The following MRPL47 variants were observed in gnomAD, a reference collection of about 807,000 sequenced individuals.
MRPL47 encodes the protein large ribosomal subunit protein uL29m.
A neutral mutation model predicts 34.0 loss-of-function variants in MRPL47; 31 were observed. The observed-to-expected ratio is 0.91, with a 90% CI of 0.68 to 1.23. The LOEUF is 1.23. Ranked by LOEUF, MRPL47 falls within the 50% of genes most tolerant of loss-of-function variation. MRPL47 has a pLI of 0.00. For missense variants in MRPL47, 328 were observed against 285.8 expected, an observed-to-expected ratio of 1.15 and a Z score of -1.07; for synonymous variants, 106 against 101.6, an observed-to-expected ratio of 1.04 and a Z score of -0.26.
chr3:179,593,839 T>C lies in MRPL47; in HGVS notation c.459A>G (p.Leu153=), dbSNP rs1718729298. The C allele has an allele frequency of 6.2e-7, 1 of 1,613,792 alleles. No individual in the cohort carries two copies. The highest frequency in any genetic ancestry group is 8.5e-7 in the Non-Finnish European group (1 of 1,179,742). The change falls in exon 5 of 7, where the codon CTA becomes CTG. Residue 153 remains leucine (L), a synonymous_variant. Transcript: ENST00000476781. Reference sequence around the variant, plus strand: ...TTTCTTGACCAGTCTGAAGAAGCCTTAGGGCATCTTCTCTTTCCTGGACAA... The same window carrying C: ...TTTCTTGACCAGTCTGAAGAAGCCTCAGGGCATCTTCTCTTTCCTGGACAA... ...DKVVQEREDA[L]RLLQTGQERA...
At chr3:179,596,088 T>G (rs1049960742) in intron 4 of MRPL47, among the ~76,000 whole-genome samples, 3 of 152,208 alleles carry the variant, frequency 2.0e-5, no homozygotes, top group African/African-American at 7.2e-5. Flanking sequence ...GCACATATAG[T>G]GAGGGTCATT....
intron 2 of MRPL47, among the ~76,000 whole-genome samples, 176 bp downstream of exon 2, chr3:179,602,476 C>G (rs187200312): frequency 1.3e-5 from 2 of 152,046 alleles, no homozygotes; most frequent in Admixed American, 1.3e-4. Context: ...GAACAATTAA[C>G]TCTACTATTA....
chr3:179,589,679 G>T (rs897332042), intron 6 of MRPL47, among the ~76,000 whole-genome samples: 2 of 151,754 alleles, frequency 1.3e-5, no homozygotes, highest in Non-Finnish European at 2.9e-5. Context: ...ATGAGGTTTT[G>T]GGGGGAAAAA....
intron 4 of MRPL47, among the ~76,000 whole-genome samples, chr3:179,597,352 C>A (rs1051015727): frequency 3.3e-5 from 5 of 151,910 alleles, no homozygotes; most frequent in Non-Finnish European, 7.4e-5. Context: ...AAAATGGCTG[C>A]GACTGGTGTG....
chr3:179,597,171 T>C (rs369739867), intron 4 of MRPL47, among the ~76,000 whole-genome samples: 23 of 152,354 alleles, frequency 1.5e-4, no homozygotes, highest in East Asian at 5.8e-4. Flanking sequence ...TCTGTGAGTC[T>C]AATATTATGT....
intron 3 of MRPL47, among the ~76,000 whole-genome samples, chr3:179,599,044 C>G (rs1718862851): frequency 6.6e-6 from 1 of 151,966 alleles, no homozygotes; most frequent in African/African-American, 2.4e-5. Flanking sequence ...CAGCACACAC[C>G]TGTAGCCCCG....
At position 179,590,272 on chromosome 3, in the gene MRPL47, G is replaced by A. The variant is rs1718642477; in HGVS notation, c.630-1277C>T. 1.3e-5 allele frequency among the ~76,000 whole-genome samples: 2 copies of A among 151,954 alleles called. 1 individual carries two copies. The highest frequency in any genetic ancestry group is 1.3e-4 in the Admixed American group (2 of 15,260). ...GAGAATCGCTAGAACCCGGGAGGTG[G>A]AGGTTGCAGTGAGCCGAGATCGCAC... On this transcript the variant is annotated intron_variant, in intron 6 of 6. Coordinates refer to ENST00000476781, the MANE Select transcript of MRPL47 (RefSeq NM_020409.3).
intron 1 of MRPL47, 76 bp downstream of exon 1, chr3:179,604,451 G>T: frequency 7.2e-7 from 1 of 1,386,748 alleles, no homozygotes; most frequent in South Asian, 1.2e-5. Flanking sequence ...AGTTGTTCTC[G>T]GCATCTCGGC....
chr3:179,602,511 T>C lies in MRPL47; in HGVS notation c.244+141A>G, dbSNP rs190533979. 137 of 550,616 alleles carry C rather than the reference T, an allele frequency of 2.5e-4. 1 individual carries two copies. The Middle Eastern group carries it at 2.9e-3, about 12-fold the overall frequency. 34.1% of individuals were successfully genotyped at this position (550,616 alleles called of 1,614,324 possible). ...ATATTGTCCCTTTAATTTTCTCTAG[T>C]AGACAGTCTCAAAGAAAACTGAAAA... On this transcript the variant is annotated intron_variant, in intron 2 of 6. Transcript: ENST00000476781.
At chr3:179,603,082 T>C (rs530570130) in intron 1 of MRPL47, among the ~76,000 whole-genome samples, 1 of 152,164 alleles carries the variant, frequency 6.6e-6, no homozygotes, top group South Asian at 2.1e-4. Flanking sequence ...ACAATAAATT[T>C]TGAAAATGCT....
At chr3:179,597,109 CAG>C (rs1197624932) in intron 4 of MRPL47, among the ~76,000 whole-genome samples, 3 of 152,168 alleles carry the variant, frequency 2.0e-5, no homozygotes, top group African/African-American at 7.2e-5. Flanking sequence ...TGCAGTAAAA[CAG>C]AGCAATCTGG....
At position 179,598,558 on chromosome 3, in the gene MRPL47, CT is replaced by C; in HGVS notation, c.402+116del. On this transcript the variant is annotated intron_variant, in intron 4 of 6. Transcript: ENST00000476781. ...ATGATGGTTGCACTACTCAAATTTACTAAAAATCAAACGAATAAGAAAAAAA... is the reference window on the plus strand; with the variant it reads ...ATGATGGTTGCACTACTCAAATTTACAAAAATCAAACGAATAAGAAAAAAA... 3 of 686,408 alleles carry C rather than the reference CT, an allele frequency of 4.4e-6. No individual in the cohort carries two copies. In the South Asian group the frequency reaches 4.9e-5, roughly 11 times the overall value. The allele number at this position is 686,408 out of a possible 1,614,324, so 42.5% of individuals were successfully genotyped here.
intron 3 of MRPL47, among the ~76,000 whole-genome samples, chr3:179,599,316 GA>G (rs1247456687): frequency 6.6e-6 from 1 of 152,180 alleles, no homozygotes; most frequent in African/African-American, 2.4e-5. Flanking sequence ...GAGCTACAAA[GA>G]GGCATAAAAC....
chr3:179,593,679 A>G, intron 5 of MRPL47, 86 bp downstream of exon 5: 1 of 1,324,832 alleles, frequency 7.5e-7, no homozygotes, highest in Admixed American at 2.5e-5. Flanking sequence ...ATATGGTACA[A>G]ATTTTTTTTT....
At position 179,592,415 on chromosome 3, in the gene MRPL47, C is replaced by T. The variant is rs374281243; in HGVS notation, c.629+229G>A. ...TTCACCATGTTAGCCGGGATGGTCT[C>T]GATCGCCTGACCTCGTGATCCACCC... On this transcript the variant is annotated intron_variant, in intron 6 of 6. Coordinates refer to ENST00000476781, the MANE Select transcript of MRPL47 (RefSeq NM_020409.3). Among the ~76,000 whole-genome samples the T allele has an allele frequency of 1.8e-4, 27 of 151,002 alleles. No homozygotes were observed. In the East Asian group the frequency reaches 4.8e-3, roughly 27 times the overall value.
In MRPL47 at chr3:179,588,760, G is replaced by T. The variant is rs1055721365; in HGVS notation, c.*112C>A. The stretch of plus-strand genomic sequence containing the variant: ...TATTCACACTTAGAACAACTGATTA[G>T]TAAAGTCACTTGACTAAAAACAGAA... On this transcript the variant is annotated 3_prime_UTR_variant, in exon 7 of 7. Transcript: ENST00000476781. 2 of 1,043,248 alleles carry T rather than the reference G, an allele frequency of 1.9e-6. No individual in the cohort carries two copies. Among genetic ancestry groups the T allele is most frequent in the Admixed American group, 2.4e-5 (1 of 41,614 alleles). 64.6% of individuals were successfully genotyped at this position (1,043,248 alleles called of 1,614,324 possible).
chr3:179,591,981 T>C (rs1718684364), intron 6 of MRPL47, among the ~76,000 whole-genome samples: 1 of 151,948 alleles, frequency 6.6e-6, no homozygotes, highest in Non-Finnish European at 1.5e-5. Context: ...TACAGGCACA[T>C]GCTACCATGG....
Position 179,589,002 on chromosome 3 carries a change from TAAA to T in MRPL47, c.630-10_630-8del. 6.3e-7 allele frequency: 1 copy of T among 1,593,112 alleles called. No homozygotes were observed. Among genetic ancestry groups the T allele is most frequent in the Non-Finnish European group, 8.5e-7 (1 of 1,173,296 alleles). On this transcript the variant is annotated splice_region_variant and splice_polypyrimidine_tract_variant and intron_variant, in intron 6 of 6. Coordinates refer to ENST00000476781, the MANE Select transcript of MRPL47 (RefSeq NM_020409.3). The stretch of plus-strand genomic sequence containing the variant: ...TCGTTTCTCACGTTCCAGTCTAGAA[TAAA>T]AAAAGCGTAACAGCAATTTATACAA...
At position 179,599,164 on chromosome 3, in the gene MRPL47, C is replaced by T. The variant is rs144704282; in HGVS notation, c.306-393G>A. 7.1e-3 allele frequency among the ~76,000 whole-genome samples: 1,028 copies of T among 145,092 alleles called. 11 individuals are homozygous for T. The highest frequency in any genetic ancestry group is 0.011 in the Non-Finnish European group (730 of 66,596). On this transcript the variant is annotated intron_variant, in intron 3 of 6. Transcript: ENST00000476781. ...AGCCTGGGGATAAAGTGAGATCTTGCTTCAAAAAAAAAAAAAAGACATATT... is the reference window on the plus strand; with the variant it reads ...AGCCTGGGGATAAAGTGAGATCTTGTTTCAAAAAAAAAAAAAAGACATATT...
Sources: allele counts gnomAD v4.1 joint callset (sites outside exome capture counted in the v4.1 genomes callset), GRCh38; gene constraint gnomAD v4.1.1; transcripts MANE v1.5; gene names NCBI Gene and HGNC (gene_info 2026-07-23, HGNC 2026-07-21).